Variants in ANKRD55 observed in about 807,000 individuals in gnomAD.
ANKRD55 encodes ankyrin repeat domain 55, also known as ankyrin repeat domain-containing protein 55.
Under a neutral mutation model 60.6 loss-of-function variants are expected in ANKRD55, and 41 were observed. That is an observed-to-expected ratio of 0.68 (90% CI 0.53 to 0.88). The LOEUF (loss-of-function observed/expected upper bound fraction) is 0.88. Ranked by LOEUF, ANKRD55 falls within the 40% of genes least tolerant of loss-of-function variation. The probability of loss-of-function intolerance (pLI) is 0.00; values close to 1 mark genes in which losing one functional copy is unlikely to be tolerated. For synonymous variants in ANKRD55, 264 were observed against 290.3 expected (o/e 0.91, Z 0.92); for missense variants, 732 against 767.6 (o/e 0.95, Z 0.55).
At chr5:56,113,886 G>A (rs1460910506) in intron 9 of ANKRD55, among the ~76,000 whole-genome samples, 21 of 151,680 alleles carry the variant, frequency 1.4e-4, no homozygotes. Flanking sequence ...CTGGGCTCAA[G>A]TGATCCACCC....
At chr5:56,199,123 G>A (rs181352510) in intron 2 of ANKRD55, among the ~76,000 whole-genome samples, 1 of 142,002 alleles carries the variant, frequency 7.0e-6, no homozygotes, top group East Asian at 2.3e-4. Context: ...ACCCAAACAC[G>A]TGTTTATATC....
intron 10 of ANKRD55, among the ~76,000 whole-genome samples, chr5:56,103,373 T>G (rs970101508): frequency 6.6e-6 from 1 of 152,220 alleles, no homozygotes; most frequent in Non-Finnish European, 1.5e-5. Context: ...GAAAGCTAGC[T>G]GTTAAACATT....
intron 7 of ANKRD55, chr5:56,137,018 T>C (rs1757621574): frequency 1.4e-6 from 1 of 713,396 alleles, no homozygotes; most frequent in Non-Finnish European, 2.6e-6. Context: ...CCCCACAAAA[T>C]CATGCAAATC....
intron 2 of ANKRD55, among the ~76,000 whole-genome samples, chr5:56,231,123 C>A (rs550538891): frequency 6.6e-6 from 1 of 152,120 alleles, no homozygotes; most frequent in Admixed American, 6.5e-5. Flanking sequence ...TTCTGATCTA[C>A]GTCTATAAGA....
chr5:56,107,938 T>C (rs537713311), intron 10 of ANKRD55, among the ~76,000 whole-genome samples: 35 of 152,046 alleles, frequency 2.3e-4, no homozygotes, highest in Non-Finnish European at 3.8e-4. Context: ...GGTGCGATCT[T>C]GGCTCACTGC....
At chr5:56,181,251 G>A (rs919301698) in intron 3 of ANKRD55, among the ~76,000 whole-genome samples, 12 of 152,156 alleles carry the variant, frequency 7.9e-5, no homozygotes, top group African/African-American at 2.2e-4. Flanking sequence ...CTGAATTGGA[G>A]TGGTGAGAGT....
Position 56,159,866 on chromosome 5 carries a change from C to G in ANKRD55, c.450G>C (p.Ser150=). The G allele has an allele frequency of 6.2e-7, 1 of 1,613,592 alleles. No homozygotes were observed. Among genetic ancestry groups the G allele is most frequent in the Non-Finnish European group, 8.5e-7 (1 of 1,179,774 alleles). ...CCTGGTGATTAATCTCGCTGATGTT[C>G]GACTGTTGCAACAGGACCGTGAGGA... ...MRLLTVLLQQ[S]NISEINHQDN... is the part of the protein sequence containing the mutation. The change falls in exon 6 of 12, where the codon TCG becomes TCC. Residue 150 remains serine (S), a synonymous_variant. Coordinates refer to ENST00000341048, the MANE Select transcript of ANKRD55 (RefSeq NM_024669.3).
intron 7 of ANKRD55, chr5:56,127,438 C>T (rs191772594): frequency 9.1e-6 from 9 of 985,132 alleles, no homozygotes; most frequent in Middle Eastern, 5.2e-4. Context: ...GCCACCTAGA[C>T]AACAACTTGC....
chr5:56,163,148 A>G (rs980884144), intron 5 of ANKRD55, among the ~76,000 whole-genome samples: 1 of 152,138 alleles, frequency 6.6e-6, no homozygotes, highest in Non-Finnish European at 1.5e-5. Flanking sequence ...TAGACAGATC[A>G]AGGCCCTCTC....
intron 7 of ANKRD55, among the ~76,000 whole-genome samples, chr5:56,135,308 T>TTTCGTTCG (rs1449580370): frequency 1.9e-4 from 2 of 10,662 alleles, no homozygotes; most frequent in African/African-American, 1.4e-3. Context: ...TCTTTCTTTC[T>TTTCGTTCG]TTCTTTCTTT....
intron 8 of ANKRD55, among the ~76,000 whole-genome samples, chr5:56,125,147 T>G (rs1757204359): frequency 6.6e-6 from 1 of 152,244 alleles, no homozygotes; most frequent in African/African-American, 2.4e-5. Flanking sequence ...TCCCTCAGCC[T>G]GCCTTTCTGA....
rs11338877 is a variant in ANKRD55, at chr5:56,155,849, C to CA, written c.483+3983dup. ...TGGGCCACAGAATGAGACCCTGCCT[C>CA]AAAAAAAAAAAAAAAACCAAAACCA... On this transcript the variant is annotated intron_variant, in intron 6 of 11. Coordinates refer to ENST00000341048, the MANE Select transcript of ANKRD55 (RefSeq NM_024669.3). Among the ~76,000 whole-genome samples the CA allele has an allele frequency of 4.5e-3, 565 of 125,328 alleles. 9 individuals are homozygous for CA. The highest frequency in any genetic ancestry group is 0.014 in the African/African-American group (478 of 33,240). The allele number at this position is 125,328 out of a possible 152,430, so 82.2% of individuals were successfully genotyped here. A position where few individuals can be genotyped will look rare whatever the true frequency, so the allele number is the denominator to read the frequency against.
At chr5:56,155,168 G>A (rs1188662372) in intron 6 of ANKRD55, among the ~76,000 whole-genome samples, 1 of 151,738 alleles carries the variant, frequency 6.6e-6, no homozygotes. Context: ...GGCTGCAGTG[G>A]GCTGTGATCG....
intron 3 of ANKRD55, 102 bp from the exon 4 acceptor site, chr5:56,176,384 ACC>A: frequency 7.3e-7 from 1 of 1,375,242 alleles, no homozygotes; most frequent in Non-Finnish European, 1.0e-6. Flanking sequence ...TGCAATACAA[ACC>A]CAGCTGTTTG....
chr5:56,109,079 ACC>A (rs1410392697), intron 10 of ANKRD55, among the ~76,000 whole-genome samples: 12 of 140,334 alleles, frequency 8.6e-5, no homozygotes, highest in African/African-American at 3.2e-4. Context: ...ACACACACAC[ACC>A]CCACCGCCCA....
At chr5:56,197,640 CTT>C (rs1336953249) in intron 2 of ANKRD55, among the ~76,000 whole-genome samples, 1 of 152,104 alleles carries the variant, frequency 6.6e-6, no homozygotes, top group East Asian at 1.9e-4. Context: ...CTTTTGATGT[CTT>C]ATGTTCTCTA....
intron 11 of ANKRD55, among the ~76,000 whole-genome samples, chr5:56,101,976 T>A (rs1219486918): frequency 1.3e-5 from 2 of 152,004 alleles, no homozygotes; most frequent in Non-Finnish European, 2.9e-5. Flanking sequence ...AACACAAAAA[T>A]TCCTAAAGGG....
intron 7 of ANKRD55, among the ~76,000 whole-genome samples, chr5:56,139,231 C>A (rs1757690359): frequency 6.6e-6 from 1 of 151,592 alleles, no homozygotes; most frequent in Non-Finnish European, 1.5e-5. Context: ...AGCCATTAAC[C>A]CCATTGGCCT....
At position 56,173,018 on chromosome 5, in the gene ANKRD55, C is replaced by T. The variant is rs537838898; in HGVS notation, c.313-2215G>A. On this transcript the variant is annotated intron_variant, in intron 4 of 11. Transcript: ENST00000341048. The stretch of plus-strand genomic sequence containing the variant: ...GCTGCAACTCAAAGACAAATTTTAC[C>T]CACCATGGTCACTCACCAGTCAGAG... Among the ~76,000 whole-genome samples, 4 of 152,252 alleles carry T rather than the reference C, an allele frequency of 2.6e-5. No individual in the cohort carries two copies. In the South Asian group the frequency reaches 6.2e-4, roughly 24 times the overall value.
Sources: allele counts gnomAD v4.1 joint callset (sites outside exome capture counted in the v4.1 genomes callset), GRCh38; gene constraint gnomAD v4.1.1; transcripts MANE v1.5; gene names NCBI Gene and HGNC (gene_info 2026-07-23, HGNC 2026-07-21).